Variants in SH3KBP1 observed in about 807,000 individuals in gnomAD.
SH3KBP1 encodes SH3 domain containing kinase binding protein 1, also known as SH3 domain-containing kinase-binding protein 1.
SH3KBP1 carries 8 observed loss-of-function variants against 50.1 expected under a neutral mutation model. The ratio of observed to expected loss-of-function variants is 0.16; its 90% CI spans 0.09 to 0.29. SH3KBP1 has a LOEUF of 0.29. Ranked by LOEUF, SH3KBP1 falls within the 10% of genes least tolerant of loss-of-function variation. The pLI is 1.00. For synonymous variants in SH3KBP1, 227 were observed against 218.6 expected, an observed-to-expected ratio of 1.04 and a Z score of -0.34; for missense variants, 377 against 535.2, an observed-to-expected ratio of 0.70 and a Z score of 2.92.
chrX:19,565,206 C>T (rs1402639206), intron 13 of SH3KBP1, among the ~76,000 whole-genome samples: 5 of 108,297 alleles, frequency 4.6e-5, no homozygotes, highest in African/African-American at 1.0e-4. Flanking sequence ...GGATTACAGG[C>T]GCCTACCACC....
At chrX:19,762,752 GTTAT>G (rs2065470757) in intron 2 of SH3KBP1, among the ~76,000 whole-genome samples, 1 of 111,818 alleles carries the variant, frequency 8.9e-6, no homozygotes, top group African/African-American at 3.3e-5. Flanking sequence ...GGTGAGCTGC[GTTAT>G]TTGTCACCAT....
chrX:19,624,405 G>A (rs1003596239), intron 8 of SH3KBP1, among the ~76,000 whole-genome samples: 1 of 111,567 alleles, frequency 9.0e-6, no homozygotes. Context: ...AACAAACACA[G>A]GATCTCTTTA....
intron 2 of SH3KBP1, among the ~76,000 whole-genome samples, chrX:19,791,039 C>T (rs993078078): frequency 9.0e-6 from 1 of 111,296 alleles, no homozygotes; most frequent in African/African-American, 3.3e-5. Flanking sequence ...CCAGTAAATA[C>T]ACATCCCCCT....
At chrX:19,754,926 G>C (rs1046237175) in intron 2 of SH3KBP1, among the ~76,000 whole-genome samples, 1 of 111,869 alleles carries the variant, frequency 8.9e-6, no homozygotes. Flanking sequence ...ATTTAACTGG[G>C]AATATTAGAC....
At chrX:19,777,610 C>A (rs1223674616) in intron 2 of SH3KBP1, among the ~76,000 whole-genome samples, 1 of 111,394 alleles carries the variant, frequency 9.0e-6, no homozygotes, top group African/African-American at 3.3e-5. Context: ...GGAACAGGCA[C>A]ACACCACTGC....
intron 1 of SH3KBP1, among the ~76,000 whole-genome samples, chrX:19,840,936 CA>C (rs1204838981): frequency 8.9e-6 from 1 of 112,062 alleles, no homozygotes; most frequent in African/African-American, 3.2e-5. Context: ...ACAGTCACTG[CA>C]AAAACCAATG....
At chrX:19,565,111 G>C (rs762968300) in intron 13 of SH3KBP1, among the ~76,000 whole-genome samples, 1 of 95,462 alleles carries the variant, frequency 1.0e-5, no homozygotes, top group Admixed American at 1.2e-4. Context: ...CCCCAGGCTG[G>C]AGTGCAGTGG....
intron 1 of SH3KBP1, among the ~76,000 whole-genome samples, chrX:19,868,512 G>T (rs1470102225): frequency 9.2e-6 from 1 of 108,645 alleles, no homozygotes; most frequent in Non-Finnish European, 1.9e-5. Flanking sequence ...CCATGTGATT[G>T]GCAAAAATGC....
At chrX:19,771,845 C>CA (rs1439911141) in intron 2 of SH3KBP1, among the ~76,000 whole-genome samples, 1 of 55,333 alleles carries the variant, frequency 1.8e-5, no homozygotes, top group Non-Finnish European at 3.1e-5. Flanking sequence ...GCCTGGGCGA[C>CA]AAAAGCGAAA....
intron 6 of SH3KBP1, among the ~76,000 whole-genome samples, chrX:19,668,710 C>T (rs1241772828): frequency 1.3e-4 from 12 of 95,665 alleles, no homozygotes; most frequent in East Asian, 1.0e-3. Flanking sequence ...ATTAGCCGGG[C>T]ATGGTGGTGG....
chrX:19,803,390 T>G (rs2066944334), intron 2 of SH3KBP1, among the ~76,000 whole-genome samples: 1 of 111,525 alleles, frequency 9.0e-6, no homozygotes, highest in African/African-American at 3.3e-5. Flanking sequence ...TTAAATTTAG[T>G]GTAGAGACAA....
At chrX:19,690,164 A>G (rs1166037697) in intron 5 of SH3KBP1, among the ~76,000 whole-genome samples, 2 of 108,628 alleles carry the variant, frequency 1.8e-5, no homozygotes, top group East Asian at 5.7e-4. Context: ...GGTTCAAGCA[A>G]TCCTCCTTCC....
chrX:19,759,090 T>C (rs1387836660), intron 2 of SH3KBP1, among the ~76,000 whole-genome samples: 1 of 112,458 alleles, frequency 8.9e-6, no homozygotes, highest in Non-Finnish European at 1.9e-5. Flanking sequence ...ATGAAGAATA[T>C]ACCATGAACA....
In SH3KBP1 at chrX:19,594,929, G is replaced by A. The variant is rs1425571618; in HGVS notation, c.1057+20C>T. ...AAGAAAGACGCATATTTTATTTGATGGAACTGAAAGGTACATTACCTGCCC... is the reference window on the plus strand; with the variant it reads ...AAGAAAGACGCATATTTTATTTGATAGAACTGAAAGGTACATTACCTGCCC... On this transcript the variant is annotated intron_variant, in intron 10 of 17. Coordinates refer to ENST00000397821, the MANE Select transcript of SH3KBP1 (RefSeq NM_031892.3). 2 of 1,138,002 alleles carry A rather than the reference G, an allele frequency of 1.8e-6. No individual in the cohort carries two copies. Among genetic ancestry groups the A allele is most frequent in the East Asian group, 3.0e-5 (1 of 33,496 alleles). The allele number at this position is 1,138,002 out of a possible 1,213,427, so 93.8% of individuals were successfully genotyped here. A position where few individuals can be genotyped will look rare whatever the true frequency, so the allele number is the denominator to read the frequency against.
intron 1 of SH3KBP1, among the ~76,000 whole-genome samples, chrX:19,871,047 G>T (rs189627127): frequency 3.2e-3 from 363 of 112,226 alleles, no homozygotes; most frequent in Non-Finnish European, 4.4e-3. Flanking sequence ...CCAGTGAGGA[G>T]GGAGTTTCAG....
At chrX:19,778,380 G>A (rs1361498100) in intron 2 of SH3KBP1, among the ~76,000 whole-genome samples, 11 of 95,718 alleles carry the variant, frequency 1.1e-4, no homozygotes, top group Non-Finnish European at 2.2e-4. Flanking sequence ...ACAGTGAGCC[G>A]AAATTGTGCA....
intron 6 of SH3KBP1, among the ~76,000 whole-genome samples, chrX:19,654,856 A>T (rs950644801): frequency 1.8e-5 from 2 of 112,126 alleles, no homozygotes; most frequent in Non-Finnish European, 3.8e-5. Flanking sequence ...TTTATCATGA[A>T]ACATGCTGTA....
At chrX:19,760,863 G>A (rs982261358) in intron 2 of SH3KBP1, among the ~76,000 whole-genome samples, 4 of 110,285 alleles carry the variant, frequency 3.6e-5, no homozygotes, top group Non-Finnish European at 5.7e-5. Flanking sequence ...ATGGTTGAAT[G>A]CTAAAAGGAA....
intron 6 of SH3KBP1, among the ~76,000 whole-genome samples, chrX:19,678,456 T>C (rs1231595033): frequency 3.7e-5 from 4 of 108,165 alleles, no homozygotes; most frequent in African/African-American, 6.8e-5. Context: ...GAGGAATACA[T>C]AGGCAGCATA....
Sources: gnomAD v4.1 joint callset for allele counts (sites outside exome capture counted in the v4.1 genomes callset) on GRCh38, gnomAD v4.1.1 for gene constraint, MANE v1.5 for transcripts, NCBI Gene and HGNC (gene_info 2026-07-23, HGNC 2026-07-21) for gene names.